Variants in CPD observed in about 807,000 individuals in gnomAD.
CPD encodes metallocarboxypeptidase D.
Under a neutral mutation model 138.3 loss-of-function variants are expected in CPD, and 69 were observed. The observed-to-expected ratio is 0.50, with a 90% CI of 0.41 to 0.61. The LOEUF is 0.61. Among genes scored for constraint, CPD ranks in the 20% least tolerant of loss-of-function variants. The probability of loss-of-function intolerance (pLI) is 0.00; values close to 1 mark genes in which losing one functional copy is unlikely to be tolerated. For missense variants in CPD, 1,432 were observed against 1,733.3 expected (o/e 0.83, Z 3.09); for synonymous variants, 651 against 642.1 (o/e 1.01, Z -0.21).
At chr17:30,452,046 T>C (rs1396275556) in intron 14 of CPD, among the ~76,000 whole-genome samples, 200 bp downstream of exon 14, 1 of 152,230 alleles carries the variant, frequency 6.6e-6, no homozygotes, top group East Asian at 1.9e-4. Context: ...TTTAAGTTTT[T>C]CATAGAAATT....
At position 30,467,041 on chromosome 17, in the gene CPD, A is replaced by G. The variant is rs1306698139; in HGVS notation, c.*2227A>G. ...TGAATGTATAGGATACCTGACTACT[A>G]AGACTATATTCTCAGCCCTGCCCTG... On this transcript the variant is annotated 3_prime_UTR_variant, in exon 21 of 21. Transcript: ENST00000225719. 1 of 152,576 alleles carries G rather than the reference A, an allele frequency of 6.6e-6. No individual in the cohort carries two copies. The highest frequency in any genetic ancestry group is 1.5e-5 in the Non-Finnish European group (1 of 67,998). 9.5% of individuals were successfully genotyped at this position (152,576 alleles called of 1,614,324 possible).
At chr17:30,415,620 T>C (rs892126296) in intron 2 of CPD, among the ~76,000 whole-genome samples, 3 of 152,222 alleles carry the variant, frequency 2.0e-5, no homozygotes, top group Non-Finnish European at 4.4e-5. Flanking sequence ...TGGACATTTC[T>C]CTAAAGAAGA....
chr17:30,398,009 C>A (rs1420215954), intron 2 of CPD, among the ~76,000 whole-genome samples: 1 of 146,708 alleles, frequency 6.8e-6, no homozygotes, highest in Admixed American at 7.0e-5. Context: ...GAGACACTGT[C>A]TCTACAAAAA....
intron 1 of CPD, among the ~76,000 whole-genome samples, chr17:30,381,504 GT>G (rs1420547608): frequency 6.6e-6 from 1 of 152,098 alleles, no homozygotes; most frequent in Non-Finnish European, 1.5e-5. Flanking sequence ...CTTCAAATAT[GT>G]AACTCTCATT....
rs1341351981 is a variant in CPD at position 30,469,793 on chromosome 17, G to A, written c.*4979G>A. The stretch of plus-strand genomic sequence containing the variant: ...AAAACAACGTTACTTAACTGCTACA[G>A]GAAGTGTGAATAGTGATAACAGTTC... On this transcript the variant is annotated 3_prime_UTR_variant, in exon 21 of 21. Transcript: ENST00000225719. 1 of 152,142 alleles carries A rather than the reference G, an allele frequency of 6.6e-6. No individual in the cohort carries two copies. The highest frequency in any genetic ancestry group is 1.5e-5 in the Non-Finnish European group (1 of 68,014). 9.4% of individuals were successfully genotyped at this position (152,142 alleles called of 1,614,324 possible). A position where few individuals can be genotyped will look rare whatever the true frequency, so the allele number is the denominator to read the frequency against.
At chr17:30,421,611 C>T (rs1008476994) in intron 3 of CPD, 53 bp from the exon 4 acceptor site, 16 of 1,524,360 alleles carry the variant, frequency 1.0e-5, no homozygotes, top group African/African-American at 5.5e-5. Flanking sequence ...AGAAATTATG[C>T]GCTCTTGCCT....
chr17:30,379,820 AGGGGT>A lies in CPD; in HGVS notation c.746+97_746+101del. ...TAGGCGCTCAGACAATGCTGGCATA[AGGGGT>A]GGCGGTGGTGAAGGTGAAGGGAGAC... On this transcript the variant is annotated intron_variant, in intron 1 of 20. Coordinates refer to ENST00000225719, the MANE Select transcript of CPD (RefSeq NM_001304.5). This position sits in a 1 kb window ranked among gnomAD's most constrained non-coding sequence, Gnocchi z 7.0. 1.1e-6 allele frequency: 1 copy of A among 925,302 alleles called. No individual in the cohort carries two copies. The highest frequency in any genetic ancestry group is 1.5e-6 in the Non-Finnish European group (1 of 678,902). 57.3% of individuals were successfully genotyped at this position (925,302 alleles called of 1,614,324 possible).
At chr17:30,417,407 C>G (rs913856467) in intron 2 of CPD, among the ~76,000 whole-genome samples, 33 of 152,264 alleles carry the variant, frequency 2.2e-4, no homozygotes, top group African/African-American at 7.5e-4. Context: ...TACTCTTCTC[C>G]CCAAGCTCCA....
rs190526053 is a variant in CPD, at chr17:30,450,704, A to T, written c.3069+956A>T. Among the ~76,000 whole-genome samples, 76 of 152,260 alleles carry T rather than the reference A, an allele frequency of 5.0e-4. 1 individual carries two copies. Among genetic ancestry groups the T allele is most frequent in the African/African-American group, 1.7e-3 (72 of 41,554 alleles). On this transcript the variant is annotated intron_variant, in intron 13 of 20. Coordinates refer to ENST00000225719, the MANE Select transcript of CPD (RefSeq NM_001304.5). Reference sequence around the variant, plus strand: ...TGATACCTTGTCTCTACAAAAATTTAAAAAATTAGCTGGGCCTTGTGGTGC... The same window carrying T: ...TGATACCTTGTCTCTACAAAAATTTTAAAAATTAGCTGGGCCTTGTGGTGC...
At chr17:30,461,604 G>A (rs8077185) in intron 18 of CPD, among the ~76,000 whole-genome samples, 147,773 of 152,256 alleles carry the variant, frequency 0.97, 71,742 homozygotes, top group East Asian at 1. Flanking sequence ...TCAAGGCATT[G>A]GAAGATTGGG....
chr17:30,439,115 G>T, intron 9 of CPD, 38 bp downstream of exon 9: 1 of 1,177,416 alleles, frequency 8.5e-7, no homozygotes, highest in Non-Finnish European at 1.2e-6. Context: ...ACAACTTGAT[G>T]GCCTTTCTGC....
chr17:30,421,219 A>T (rs758516949), intron 3 of CPD, among the ~76,000 whole-genome samples: 2 of 152,010 alleles, frequency 1.3e-5, no homozygotes, highest in African/African-American at 4.8e-5. Context: ...TCCTTTTCCT[A>T]TCTTGGAACA....
intron 1 of CPD, among the ~76,000 whole-genome samples, chr17:30,382,781 A>G (rs1331726877): frequency 3.3e-5 from 5 of 152,344 alleles, no homozygotes; most frequent in South Asian, 2.1e-4. Flanking sequence ...AGCATGCTTT[A>G]CTTATTTAGA....
In CPD at chr17:30,422,790, C is replaced by T. The variant is rs778524266; in HGVS notation, c.1424C>T (p.Ser475Leu). 119 of 1,613,956 alleles carry T rather than the reference C, an allele frequency of 7.4e-5. No homozygotes were observed. Among genetic ancestry groups the T allele is most frequent in the Non-Finnish European group, 9.7e-5 (115 of 1,179,952 alleles). ...ATCCCTGACACGACAGAGGCTGTAT[C>T]AACTGCTAGCACAGTTGCTATACCT... ...SVIPDTTEAV[S>L]TASTVAIPNI... is the part of the protein sequence containing the mutation. The change falls in exon 5 of 21, where the codon TCA becomes TTA. Residue 475 changes from serine (S) to leucine (L), a missense_variant. By Grantham distance (145) the Ser-to-Leu change is moderately radical (BLOSUM62 -2). Coordinates refer to ENST00000225719, the MANE Select transcript of CPD (RefSeq NM_001304.5).
chr17:30,439,137 G>T, intron 9 of CPD, 60 bp downstream of exon 9: 2 of 872,628 alleles, frequency 2.3e-6, no homozygotes, highest in South Asian at 1.6e-5. Context: ...TTCCTAGATG[G>T]TGCTTCTTGT....
chr17:30,388,372 C>T (rs1911253942), intron 2 of CPD, among the ~76,000 whole-genome samples: 1 of 152,192 alleles, frequency 6.6e-6, no homozygotes, highest in Non-Finnish European at 1.5e-5. Flanking sequence ...CATGGCACCC[C>T]GGCTGCTCGT....
chr17:30,426,734 C>T (rs1364064465), intron 6 of CPD, among the ~76,000 whole-genome samples: 1 of 152,172 alleles, frequency 6.6e-6, no homozygotes, highest in Admixed American at 6.5e-5. Flanking sequence ...TAATCCCAAC[C>T]TTGTGACCTT....
intron 6 of CPD, among the ~76,000 whole-genome samples, chr17:30,424,480 G>A (rs1283557202): frequency 6.6e-6 from 1 of 152,204 alleles, no homozygotes; most frequent in East Asian, 1.9e-4. Context: ...GTCAAGAGGA[G>A]GGAATCTGTT....
In CPD at chr17:30,431,861, A is replaced by C. The variant is rs750894921; in HGVS notation, c.2107A>C (p.Ile703Leu). Residue 703 changes from isoleucine to leucine, a missense_variant, in exon 8 of 21, where the codon ATA (isoleucine) becomes CTA (leucine). Around this residue, in one of 6 missense-constraint regions of CPD, gnomAD observed 297 missense variants for 405.3 expected, o/e 0.73. Coordinates refer to ENST00000225719, the MANE Select transcript of CPD (RefSeq NM_001304.5). ...ACCAGATGATGCTGTGTTCCAACAA[A>C]TAGCACTTTCTTATTCCAAGGTAGG... is the stretch of plus-strand genomic sequence containing the variant. ...KSPDDAVFQQ[I>L]ALSYSKENSQ... 6.2e-7 allele frequency: 1 copy of C among 1,606,228 alleles called. No homozygotes were observed. The highest frequency in any genetic ancestry group is 1.1e-5 in the South Asian group (1 of 90,072).
Sources: allele counts gnomAD v4.1 joint callset (sites outside exome capture counted in the v4.1 genomes callset), GRCh38; gene constraint gnomAD v4.1.1; regional missense constraint gnomAD v4.1.1; non-coding constraint Gnocchi (gnomAD v3.1); transcripts MANE v1.5; gene names NCBI Gene and HGNC (gene_info 2026-07-23, HGNC 2026-07-21).